The following COQ7 variants were observed in gnomAD, a reference collection of about 807,000 sequenced individuals.
COQ7 encodes the protein NADPH-dependent 3-demethoxyubiquinone 3-hydroxylase, mitochondrial.
COQ7 carries 21 observed loss-of-function variants against 25.0 expected under a neutral mutation model. The observed-to-expected ratio is 0.84, with a 90% CI of 0.60 to 1.21. The LOEUF (loss-of-function observed/expected upper bound fraction) is 1.21. Among genes scored for constraint, COQ7 ranks in the 50% most tolerant of loss-of-function variants. The pLI is 0.00. For synonymous variants in COQ7, 125 were observed against 112.4 expected (o/e 1.11, Z -0.71); for missense variants, 311 against 296.2 (o/e 1.05, Z -0.37).
At position 19,073,933 on chromosome 16, in the gene COQ7, C is replaced by A; in HGVS notation, c.265C>A (p.Gln89Lys). ...ATGTTTCTTGCAGAAAATGTGGGAT[C>A]AAGAAAAGGACCATTTGAAAAAGTT... The part of the protein sequence containing the change: ...VGPVIQKMWD[Q>K]EKDHLKKFNE... Residue 89 changes from glutamine (Q) to lysine (K), a missense_variant, in exon 3 of 6, where the codon CAA (glutamine) becomes AAA (lysine). Gln to Lys is a moderately conservative substitution (Grantham distance 53, BLOSUM62 1). Coordinates refer to ENST00000321998, the MANE Select transcript of COQ7 (RefSeq NM_016138.5). The A allele has an allele frequency of 6.2e-7, 1 of 1,613,248 alleles. No individual in the cohort carries two copies. The highest frequency in any genetic ancestry group is 8.5e-7 in the Non-Finnish European group (1 of 1,179,456).
downstream of COQ7, among the ~76,000 whole-genome samples, chr16:19,080,606 C>A (rs933269272): frequency 2.8e-4 from 43 of 152,002 alleles, no homozygotes; most frequent in Admixed American, 1.1e-3. Flanking sequence ...TGTTTAATTA[C>A]ATGGGATTGC....
intron 2 of COQ7, chr16:19,072,369 G>C (rs1052405546): frequency 2.1e-5 from 10 of 474,236 alleles, no homozygotes; most frequent in Non-Finnish European, 3.8e-5. Flanking sequence ...AGGCAGTAAT[G>C]AAAAAAGGTT....
chr16:19,079,632 TGATTCCGGA>T lies in COQ7; in HGVS notation c.*1476_*1484del, dbSNP rs1963037297. Reference sequence around the variant, plus strand: ...CAGAATGGTTTCAGAAGCTCCCAGGTGATTCCGGAGTGAGTTGGAGCTGCAAGCCCCTGA... The same window carrying T: ...CAGAATGGTTTCAGAAGCTCCCAGGTGTGAGTTGGAGCTGCAAGCCCCTGA... On this transcript the variant is annotated 3_prime_UTR_variant, in exon 6 of 6. Transcript: ENST00000321998. 6.6e-6 allele frequency: 1 copy of T among 152,086 alleles called. No homozygotes were observed. Among genetic ancestry groups the T allele is most frequent in the African/African-American group, 2.4e-5 (1 of 41,400 alleles). 9.4% of individuals were successfully genotyped at this position (152,086 alleles called of 1,614,324 possible).
At chr16:19,076,161 A>G (rs1962828295) in intron 4 of COQ7, among the ~76,000 whole-genome samples, 1 of 151,858 alleles carries the variant, frequency 6.6e-6, no homozygotes, top group South Asian at 2.1e-4. Context: ...GTCATAGCTC[A>G]CTGCATCTTC....
chr16:19,071,422 C>A (rs1216523119), intron 1 of COQ7, among the ~76,000 whole-genome samples: 1 of 152,228 alleles, frequency 6.6e-6, no homozygotes, highest in Non-Finnish European at 1.5e-5. Flanking sequence ...AGGCATGAGC[C>A]ACCGCGCCCG....
chr16:19,069,364 ATTATTG>A (rs1962427977), intron 1 of COQ7, among the ~76,000 whole-genome samples: 1 of 145,180 alleles, frequency 6.9e-6, no homozygotes. Flanking sequence ...AGAAAAGTTT[ATTATTG>A]TATGTTTTCC....
chr16:19,071,728 A>G (rs1362065713), intron 1 of COQ7, 200 bp from the exon 2 acceptor site: 1 of 600,410 alleles, frequency 1.7e-6, no homozygotes, highest in Non-Finnish European at 2.9e-6. Context: ...TCATACACTT[A>G]AAGTGAAACC....
rs1302820078 is a variant in COQ7 at position 19,067,718 on chromosome 16, G to C, written c.54G>C (p.Gly18=). The C allele has an allele frequency of 3.7e-6, 6 of 1,605,850 alleles. No homozygotes were observed. The highest frequency in any genetic ancestry group is 4.5e-5 in the East Asian group (2 of 44,792). ...AAPRLWRLRP[G]ARRSLSAYGR... ...CCCGCCTTTGGCGGCTGCGCCCGGG[G>C]GCCCGGCGGTCCCTCTCAGGTAAAA... The change falls in exon 1 of 6, where the codon GGG becomes GGC. Residue 18 remains glycine, a synonymous_variant. Transcript: ENST00000321998.
chr16:19,076,393 C>G (rs1056311411), intron 4 of COQ7, among the ~76,000 whole-genome samples: 1 of 151,610 alleles, frequency 6.6e-6, no homozygotes, highest in Non-Finnish European at 1.5e-5. Flanking sequence ...CCACATCCGG[C>G]CAGAACCCTT....
chr16:19,067,730 C>T lies in COQ7; in HGVS notation c.66C>T (p.Ser22=). 1.2e-6 allele frequency: 2 copies of T among 1,603,798 alleles called. No individual in the cohort carries two copies. Among genetic ancestry groups the T allele is most frequent in the Non-Finnish European group, 1.7e-6 (2 of 1,177,988 alleles). The change falls in exon 1 of 6, where the codon TCC becomes TCT. Residue 22 remains serine, a synonymous_variant. Transcript: ENST00000321998. Reference sequence around the variant, plus strand: ...GGCTGCGCCCGGGGGCCCGGCGGTCCCTCTCAGGTAAAAGGAGGCGCGCAG... The same window carrying T: ...GGCTGCGCCCGGGGGCCCGGCGGTCTCTCTCAGGTAAAAGGAGGCGCGCAG... ...LWRLRPGARR[S]LSAYGRRTSV... is the part of the protein sequence containing the mutation.
intron 5 of COQ7, among the ~76,000 whole-genome samples, chr16:19,077,592 T>TTTTTTTTTTTTTTTTTTTTTG: frequency 9.1e-6 from 1 of 110,234 alleles, no homozygotes; most frequent in Non-Finnish European, 1.8e-5. Context: ...CCCAGAAGCT[T>TTTTTTTTTTTTTTTTTTTTTG]TTTTTTTTTT....
chr16:19,074,455 C>G (rs950366064), intron 3 of COQ7, among the ~76,000 whole-genome samples: 1 of 151,740 alleles, frequency 6.6e-6, no homozygotes, highest in Non-Finnish European at 1.5e-5. Context: ...AACCTGGGAG[C>G]TGGAGGTTGC....
downstream of COQ7, among the ~76,000 whole-genome samples, chr16:19,082,066 C>T (rs1445879622): frequency 2.0e-5 from 3 of 152,114 alleles, no homozygotes; most frequent in African/African-American, 7.2e-5. Flanking sequence ...AATCCTTGTA[C>T]ATGAATGCTC....
At chr16:19,077,739 C>G (rs1420685391) in intron 5 of COQ7, among the ~76,000 whole-genome samples, 1 of 151,940 alleles carries the variant, frequency 6.6e-6, no homozygotes, top group Non-Finnish European at 1.5e-5. Context: ...GTGCATGCCA[C>G]CATGCCTGGC....
At chr16:19,082,051 A>C (rs1407295173), downstream of COQ7, among the ~76,000 whole-genome samples, 1 of 152,208 alleles carries the variant, frequency 6.6e-6, no homozygotes, top group Non-Finnish European at 1.5e-5. Context: ...AAACATGTTC[A>C]AACCAATCCT....
Position 19,074,006 on chromosome 16 carries a change from C to A in COQ7, c.338C>A (p.Pro113His). ...AGGGTCCGGCCAACAGTTCTGATGC[C>A]CTTGTGGAACGTGCTGGGGTTTGCA... ...TFRVRPTVLM[P>H]LWNVLGFALG... The change falls in exon 3 of 6, where the codon CCC becomes CAC. Residue 113 changes from proline (P) to histidine (H), a missense_variant. Coordinates refer to ENST00000321998, the MANE Select transcript of COQ7 (RefSeq NM_016138.5). 1 of 1,613,188 alleles carries A rather than the reference C, an allele frequency of 6.2e-7. No individual in the cohort carries two copies. The highest frequency in any genetic ancestry group is 8.5e-7 in the Non-Finnish European group (1 of 1,179,840).
chr16:19,068,044 ACAC>A, intron 1 of COQ7: 3 of 1,204,538 alleles, frequency 2.5e-6, no homozygotes, highest in Non-Finnish European at 3.1e-6. Flanking sequence ...ACAGTTGGCG[ACAC>A]TGAAAATTCA....
In COQ7 at chr16:19,079,664, T is replaced by C. The variant is rs1963039434; in HGVS notation, c.*1506T>C. 1 of 152,150 alleles carries C rather than the reference T, an allele frequency of 6.6e-6. No homozygotes were observed. Among genetic ancestry groups the C allele is most frequent in the African/African-American group, 2.4e-5 (1 of 41,426 alleles). 9.4% of individuals were successfully genotyped at this position (152,150 alleles called of 1,614,324 possible). On this transcript the variant is annotated 3_prime_UTR_variant, in exon 6 of 6. Transcript: ENST00000321998. ...GGAGTGAGTTGGAGCTGCAAGCCCC[T>C]GAGCTAGATTATAAGATGCTTCTGG... is the stretch of plus-strand genomic sequence containing the variant.
At position 19,077,590 on chromosome 16, in the gene COQ7, C is replaced by T. The variant is rs1373835692; in HGVS notation, c.576+216C>T. On this transcript the variant is annotated intron_variant, in intron 5 of 5. Transcript: ENST00000321998. ...TATGCCTTCTCCTTTTCCCCAGAAG[C>T]TTTTTTTTTTTTTTCCCAGACACAG... is the stretch of plus-strand genomic sequence containing the variant. 2.5e-3 allele frequency among the ~76,000 whole-genome samples: 183 copies of T among 74,368 alleles called. 3 individuals carry two copies. The highest frequency in any genetic ancestry group is 2.8e-3 in the Non-Finnish European group (106 of 38,286). 48.8% of individuals were successfully genotyped at this position (74,368 alleles called of 152,430 possible).
Sources: allele counts gnomAD v4.1 joint callset (sites outside exome capture counted in the v4.1 genomes callset), GRCh38; gene constraint gnomAD v4.1.1; transcripts MANE v1.5; gene names NCBI Gene and HGNC (gene_info 2026-07-23, HGNC 2026-07-21).